Variants in TRAPPC11 observed in about 807,000 individuals in gnomAD.
TRAPPC11 encodes foie gras homolog.
In TRAPPC11, 104 loss-of-function variants were observed where a neutral mutation model predicts 151.2. The ratio of observed to expected loss-of-function variants is 0.69; its 90% CI spans 0.59 to 0.81. The LOEUF (loss-of-function observed/expected upper bound fraction) is 0.81, where lower values mean the gene tolerates loss of function less well. Among genes scored for constraint, TRAPPC11 ranks in the 30% least tolerant of loss-of-function variants. The pLI, the probability that TRAPPC11 is intolerant of heterozygous loss-of-function variation, is 0.00. For synonymous variants in TRAPPC11, 456 were observed against 472.3 expected, an observed-to-expected ratio of 0.97 and a Z score of 0.45; for missense variants, 1,230 against 1,349.6, an observed-to-expected ratio of 0.91 and a Z score of 1.39.
chr4:183,707,865 C>G (rs1403042849), intron 28 of TRAPPC11, among the ~76,000 whole-genome samples: 1 of 151,984 alleles, frequency 6.6e-6, no homozygotes, highest in Non-Finnish European at 1.5e-5. Flanking sequence ...TATAAAGATG[C>G]TAAAATCTTA....
chr4:183,674,858 T>C (rs769485559), intron 6 of TRAPPC11, 46 bp downstream of exon 6: 4 of 1,192,648 alleles, frequency 3.4e-6, no homozygotes, highest in Middle Eastern at 1.9e-4. Flanking sequence ...AGCGGATTAT[T>C]ATTATTTTTG....
intron 29 of TRAPPC11, 78 bp downstream of exon 29, chr4:183,708,652 T>C: frequency 1.5e-6 from 2 of 1,365,314 alleles, no homozygotes; most frequent in Non-Finnish European, 2.0e-6. Flanking sequence ...TAAACTTCAC[T>C]GAACAGTATT....
chr4:183,672,825 T>C (rs1378219603), intron 5 of TRAPPC11, among the ~76,000 whole-genome samples: 2 of 152,222 alleles, frequency 1.3e-5, no homozygotes, highest in Non-Finnish European at 2.9e-5. Context: ...CAATCTAGAT[T>C]AATAATACTG....
At chr4:183,667,370 G>C (rs1366025684) in intron 4 of TRAPPC11, among the ~76,000 whole-genome samples, 6 of 152,086 alleles carry the variant, frequency 3.9e-5, no homozygotes, top group African/African-American at 1.4e-4. Flanking sequence ...TCTTATGTAG[G>C]GGATATAGGA....
chr4:183,671,520 A>G (rs1317540312), intron 5 of TRAPPC11, among the ~76,000 whole-genome samples: 2 of 152,098 alleles, frequency 1.3e-5, no homozygotes, highest in Admixed American at 6.5e-5. Context: ...TTAGCACAGG[A>G]TCTACCTTCA....
At chr4:183,660,061 T>C (rs1017886632) in intron 1 of TRAPPC11, among the ~76,000 whole-genome samples, 3 of 152,240 alleles carry the variant, frequency 2.0e-5, no homozygotes, top group South Asian at 2.1e-4. Flanking sequence ...GTGTATAGTT[T>C]CGTTGGTTGC....
intron 28 of TRAPPC11, 126 bp from the exon 29 acceptor site, chr4:183,708,281 G>A: frequency 1.0e-6 from 1 of 980,972 alleles, no homozygotes; most frequent in South Asian, 1.7e-5. Flanking sequence ...TGGACTAGGA[G>A]AGAGTGAATA....
At chr4:183,661,359 AC>A (rs1734505311) in intron 1 of TRAPPC11, among the ~76,000 whole-genome samples, 3 of 113,862 alleles carry the variant, frequency 2.6e-5, no homozygotes, top group Admixed American at 9.7e-5. Context: ...GGTGTAGATT[AC>A]CTTTTTTTTT....
At chr4:183,696,044 T>G (rs550962296) in intron 23 of TRAPPC11, among the ~76,000 whole-genome samples, 1 of 152,204 alleles carries the variant, frequency 6.6e-6, no homozygotes, top group Non-Finnish European at 1.5e-5. Context: ...CAAAATCTTT[T>G]GGAAACTTTT....
intron 18 of TRAPPC11, among the ~76,000 whole-genome samples, chr4:183,689,924 G>A (rs999132337): frequency 7.9e-5 from 12 of 151,932 alleles, no homozygotes; most frequent in Admixed American, 2.0e-4. Context: ...AGATACAGGC[G>A]GGGCGCAGTG....
At position 183,691,380 on chromosome 4, in the gene TRAPPC11, C is replaced by A; in HGVS notation, c.1958C>A (p.Thr653Asn). 6.4e-7 allele frequency: 1 copy of A among 1,562,680 alleles called. No individual in the cohort carries two copies. ...SKANEVLENLTQGKMCLVPGK... is the reference protein window; with the variant it reads ...SKANEVLENLNQGKMCLVPGK... ...GCAAATGAAGTTTTAGAAAATCTGACTCAAGGAAAGATGTGCCTAGTTCCT... is the reference window on the plus strand; with the variant it reads ...GCAAATGAAGTTTTAGAAAATCTGAATCAAGGAAAGATGTGCCTAGTTCCT... Residue 653 changes from threonine (T) to asparagine (N), a missense_variant, in exon 19 of 30, where the codon ACT becomes AAT. Transcript: ENST00000334690.
chr4:183,696,878 A>G (rs1452019885), intron 23 of TRAPPC11, among the ~76,000 whole-genome samples: 3 of 152,180 alleles, frequency 2.0e-5, no homozygotes, highest in South Asian at 4.1e-4. Context: ...CATTATTATT[A>G]TCTTTCTTAT....
At chr4:183,688,889 A>C (rs1340477704) in intron 18 of TRAPPC11, among the ~76,000 whole-genome samples, 1 of 152,204 alleles carries the variant, frequency 6.6e-6, no homozygotes, top group South Asian at 2.1e-4. Context: ...CTGGGACTAC[A>C]GGCACATGCC....
chr4:183,683,804 A>C, intron 11 of TRAPPC11, 171 bp from the exon 12 acceptor site: 1 of 615,466 alleles, frequency 1.6e-6, no homozygotes, highest in Non-Finnish European at 2.9e-6. Context: ...AGAACACGGA[A>C]GTTTCCATGT....
chr4:183,710,059 T>G (rs1737265685), intron 29 of TRAPPC11, among the ~76,000 whole-genome samples: 1 of 152,182 alleles, frequency 6.6e-6, no homozygotes, highest in Non-Finnish European at 1.5e-5. Flanking sequence ...GTATGTAGAC[T>G]TGATCATATT....
Position 183,697,875 on chromosome 4 carries a change from G to T in TRAPPC11, c.2851+40G>T, listed in dbSNP as rs779855977. On this transcript the variant is annotated intron_variant, in intron 25 of 29. Coordinates refer to ENST00000334690, the MANE Select transcript of TRAPPC11 (RefSeq NM_021942.6). ...TTCCCACTTAAAGACCAGGAGAATT[G>T]TGCGCGCGTGTGTGTGTGTGTGTAT... 2.6e-6 allele frequency: 4 copies of T among 1,563,830 alleles called. No individual in the cohort carries two copies. In the African/African-American group the frequency reaches 6.0e-5, roughly 24 times the overall value.
chr4:183,673,381 AAATCTT>A (rs1735249714), intron 5 of TRAPPC11, among the ~76,000 whole-genome samples: 1 of 152,354 alleles, frequency 6.6e-6, no homozygotes, highest in African/African-American at 2.4e-5. Context: ...GAAAATAGAA[AAATCTT>A]AAAAGGCCGG....
At chr4:183,668,413 A>G (rs1347626294) in intron 5 of TRAPPC11, among the ~76,000 whole-genome samples, 1 of 152,250 alleles carries the variant, frequency 6.6e-6, no homozygotes, top group Non-Finnish European at 1.5e-5. Context: ...ACACAAAAAC[A>G]TAAATGTGCT....
chr4:183,683,909 C>A (rs540383882), intron 11 of TRAPPC11, 66 bp from the exon 12 acceptor site: 42 of 1,271,496 alleles, frequency 3.3e-5, no homozygotes, highest in South Asian at 3.1e-4. Flanking sequence ...TGTACACATA[C>A]AACGTTCATA....
Sources: gnomAD v4.1 joint callset for allele counts (sites outside exome capture counted in the v4.1 genomes callset) on GRCh38, gnomAD v4.1.1 for gene constraint, MANE v1.5 for transcripts, NCBI Gene and HGNC (gene_info 2026-07-23, HGNC 2026-07-21) for gene names.